SLCO3A1: variants seen among roughly 807,000 people sequenced by gnomAD.
SLCO3A1 encodes PGE1 transporter.
SLCO3A1 carries 27 observed loss-of-function variants against 63.1 expected under a neutral mutation model. That is an observed-to-expected ratio of 0.43 (90% CI 0.32 to 0.59). The LOEUF (loss-of-function observed/expected upper bound fraction) is 0.59. SLCO3A1 is among the 20% of genes least tolerant of loss of function. The pLI, the probability that SLCO3A1 is intolerant of heterozygous loss-of-function variation, is 0.09. For missense variants in SLCO3A1, 773 were observed against 945.8 expected (o/e 0.82, Z 2.40); for synonymous variants, 473 against 409.9 (o/e 1.15, Z -1.86).
intron 2 of SLCO3A1, among the ~76,000 whole-genome samples, chr15:91,984,037 G>A (rs1246298226): frequency 6.6e-6 from 1 of 152,164 alleles, no homozygotes; most frequent in Admixed American, 6.5e-5. Flanking sequence ...CTGTACCTCT[G>A]ACCCTCCCCA....
intron 2 of SLCO3A1, among the ~76,000 whole-genome samples, chr15:92,072,258 C>T (rs1214550974): frequency 2.0e-5 from 3 of 150,756 alleles, no homozygotes; most frequent in African/African-American, 7.4e-5. Context: ...GGAGATTTGG[C>T]CCAACCCAGC....
Position 92,130,748 on chromosome 15 carries a change from A to G in SLCO3A1, c.1512+2259A>G, listed in dbSNP as rs572605993. On this transcript the variant is annotated intron_variant, in intron 7 of 9. Transcript: ENST00000318445. ...AATCTCAGGCCAACATCCAAAAATG[A>G]GTGAAAAGCAATTTAAATCCTTTAA... Among the ~76,000 whole-genome samples the G allele has an allele frequency of 5.6e-4, 86 of 152,234 alleles. 2 individuals are homozygous for G. The highest frequency in any genetic ancestry group is 2.0e-3 in the African/African-American group (82 of 41,544).
chr15:92,043,018 G>T (rs922469470), intron 2 of SLCO3A1, among the ~76,000 whole-genome samples: 8 of 152,102 alleles, frequency 5.3e-5, no homozygotes, highest in African/African-American at 1.9e-4. Flanking sequence ...TGGGTTAATT[G>T]TGACTTTTTT....
intron 7 of SLCO3A1, 78 bp downstream of exon 7, chr15:92,128,567 T>G: frequency 3.5e-5 from 47 of 1,340,710 alleles, no homozygotes; most frequent in Non-Finnish European, 4.7e-5. Context: ...TTGCCCAGGT[T>G]GTTCGCCTTC....
At chr15:91,966,221 T>G (rs1900656378) in intron 2 of SLCO3A1, among the ~76,000 whole-genome samples, 1 of 152,028 alleles carries the variant, frequency 6.6e-6, no homozygotes, top group Non-Finnish European at 1.5e-5. Context: ...CACCCGTAGC[T>G]CAGATGAGGT....
intron 4 of SLCO3A1, among the ~76,000 whole-genome samples, chr15:92,111,129 C>G (rs1267160893): frequency 1.3e-5 from 2 of 152,148 alleles, no homozygotes; most frequent in Admixed American, 6.5e-5. Context: ...CACAGTTCAG[C>G]AGGAGCCACA....
intron 2 of SLCO3A1, among the ~76,000 whole-genome samples, chr15:92,003,737 T>C (rs1028267335): frequency 4.6e-5 from 7 of 152,154 alleles, no homozygotes; most frequent in Admixed American, 2.0e-4. Flanking sequence ...TAGTTCCCCA[T>C]GGAATTCATG....
intron 9 of SLCO3A1, among the ~76,000 whole-genome samples, chr15:92,151,505 C>A (rs1424187312): frequency 7.9e-5 from 12 of 152,140 alleles, no homozygotes; most frequent in African/African-American, 2.7e-4. Context: ...TGCTATAGGG[C>A]CCACGTTTCC....
chr15:92,101,407 G>T (rs2047603165), intron 3 of SLCO3A1, among the ~76,000 whole-genome samples: 1 of 152,098 alleles, frequency 6.6e-6, no homozygotes, highest in South Asian at 2.1e-4. Flanking sequence ...TACTTGAGAG[G>T]CTAAGGCAGG....
chr15:92,104,171 C>A, intron 3 of SLCO3A1, 108 bp from the exon 4 acceptor site: 1 of 1,296,600 alleles, frequency 7.7e-7, no homozygotes, highest in Non-Finnish European at 1.1e-6. Flanking sequence ...GACCGCAAGT[C>A]ATTTCTAGAG....
At chr15:92,095,465 GAC>G (rs2047527287) in intron 3 of SLCO3A1, among the ~76,000 whole-genome samples, 2 of 152,310 alleles carry the variant, frequency 1.3e-5, no homozygotes, top group South Asian at 4.1e-4. Context: ...CCTTTTAGAA[GAC>G]ACTGTTGTGG....
intron 1 of SLCO3A1, among the ~76,000 whole-genome samples, chr15:91,878,794 G>C (rs553411096): frequency 1.3e-5 from 2 of 152,258 alleles, no homozygotes; most frequent in South Asian, 4.1e-4. Context: ...AAGTACCCAT[G>C]CTTCATCAAA....
Position 92,004,782 on chromosome 15 carries a change from T to C in SLCO3A1, c.646+88324T>C, listed in dbSNP as rs369905980. On this transcript the variant is annotated intron_variant, in intron 2 of 9. Coordinates refer to ENST00000318445, the MANE Select transcript of SLCO3A1 (RefSeq NM_013272.4). ...TCAAATGCATTAGTCCCGACTGAAA[T>C]CTGGTGGTTTGTGTAATGTTAAAAA... 1.2e-4 allele frequency among the ~76,000 whole-genome samples: 19 copies of C among 152,260 alleles called. No homozygotes were observed. The East Asian group carries it at 3.1e-3, about 25-fold the overall frequency.
At position 92,033,603 on chromosome 15, in the gene SLCO3A1, T is replaced by C. The variant is rs1487599646; in HGVS notation, c.647-61278T>C. Among the ~76,000 whole-genome samples, 1 of 152,216 alleles carries C rather than the reference T, an allele frequency of 6.6e-6. No individual in the cohort carries two copies. Among genetic ancestry groups the C allele is most frequent in the Non-Finnish European group, 1.5e-5 (1 of 68,056 alleles). The stretch of plus-strand genomic sequence containing the variant: ...ACACCACATGCTAGCTTAAGAGCTG[T>C]GCATACAGCAGCAAACAAAATAGAG... On this transcript the variant is annotated intron_variant, in intron 2 of 9. Coordinates refer to ENST00000318445, the MANE Select transcript of SLCO3A1 (RefSeq NM_013272.4). This position sits in a 1 kb window ranked among gnomAD's most constrained non-coding sequence, Gnocchi z 4.5.
intron 2 of SLCO3A1, among the ~76,000 whole-genome samples, chr15:91,964,811 G>A (rs371306082): frequency 2.4e-4 from 36 of 151,956 alleles, no homozygotes; most frequent in African/African-American, 8.2e-4. Flanking sequence ...TCCCTTTTGC[G>A]ATGAAGAAGT....
At chr15:92,031,356 A>C (rs919785984) in intron 2 of SLCO3A1, among the ~76,000 whole-genome samples, 1 of 152,208 alleles carries the variant, frequency 6.6e-6, no homozygotes, top group Non-Finnish European at 1.5e-5. Flanking sequence ...GAACTTATCC[A>C]GTGCACAGCA....
Position 91,946,930 on chromosome 15 carries a change from G to A in SLCO3A1, c.646+30472G>A, listed in dbSNP as rs181903163. Among the ~76,000 whole-genome samples the A allele has an allele frequency of 5.8e-4, 88 of 152,320 alleles. 2 individuals carry two copies. The East Asian group carries it at 0.016, about 28-fold the overall frequency. On this transcript the variant is annotated intron_variant, in intron 2 of 9. Transcript: ENST00000318445. ...GTGGGGACCTGCCGTGCGTGCTGCTGGAAGAAGTTTATAATCAAATGTGTC... is the reference window on the plus strand; with the variant it reads ...GTGGGGACCTGCCGTGCGTGCTGCTAGAAGAAGTTTATAATCAAATGTGTC...
At chr15:91,927,769 A>G (rs142993362) in intron 2 of SLCO3A1, among the ~76,000 whole-genome samples, 14 of 152,306 alleles carry the variant, frequency 9.2e-5, no homozygotes, top group African/African-American at 3.4e-4. Context: ...TGGGTTGTTA[A>G]TGGAGTTTAC....
intron 2 of SLCO3A1, among the ~76,000 whole-genome samples, chr15:92,003,191 T>C (rs943949568): frequency 2.6e-5 from 4 of 152,216 alleles, no homozygotes; most frequent in Admixed American, 6.5e-5. Context: ...TATTTATTGC[T>C]ATATCTCTCT....
Sources: gnomAD v4.1 joint callset for allele counts (sites outside exome capture counted in the v4.1 genomes callset) on GRCh38, gnomAD v4.1.1 for gene constraint, Gnocchi (gnomAD v3.1) non-coding constraint, MANE v1.5 for transcripts, NCBI Gene and HGNC (gene_info 2026-07-23, HGNC 2026-07-21) for gene names.